The following CLASP2 variants were observed in gnomAD, a reference collection of about 807,000 sequenced individuals.
The protein encoded by CLASP2 is cytoplasmic linker associated protein 2.
Under a neutral mutation model 194.4 loss-of-function variants are expected in CLASP2, and 47 were observed. The ratio of observed to expected loss-of-function variants is 0.24; its 90% CI spans 0.19 to 0.31. CLASP2 has a LOEUF of 0.31. Ranked by LOEUF, CLASP2 falls within the 10% of genes least tolerant of loss-of-function variation. The pLI, the probability that CLASP2 is intolerant of heterozygous loss-of-function variation, is 1.00. For missense variants in CLASP2, 1,445 were observed against 1,823.6 expected (o/e 0.79, Z 3.78); for synonymous variants, 619 against 633.5 (o/e 0.98, Z 0.34).
chr3:33,707,617 C>A (rs922064660), intron 1 of CLASP2, among the ~76,000 whole-genome samples: 1 of 152,170 alleles, frequency 6.6e-6, no homozygotes, highest in Non-Finnish European at 1.5e-5. Context: ...CCTTCCATAT[C>A]TCATGTGTCT....
At chr3:33,538,140 C>CAA (rs56146913) in intron 33 of CLASP2, among the ~76,000 whole-genome samples, 215 of 143,008 alleles carry the variant, frequency 1.5e-3, no homozygotes, top group African/African-American at 3.0e-3. Flanking sequence ...GACTCCGTCT[C>CAA]AAAAAAAAAA....
chr3:33,535,316 T>G lies in CLASP2; in HGVS notation c.3704A>C (p.Asn1235Thr), dbSNP rs1256456184. ...SPRSRDYNPYNYSDSISPFNK... is the reference protein window; with the variant it reads ...SPRSRDYNPYTYSDSISPFNK... ...GAAGGGACTGATGCTATCTGAATAG[T>G]TATATGGATTATAGTCTCGAGAGCG... is the stretch of plus-strand genomic sequence containing the variant. Residue 1235 changes from asparagine to threonine, a missense_variant, in exon 34 of 39, where the codon AAC becomes ACC. Around this residue, in one of 4 missense-constraint regions of CLASP2, gnomAD observed 732 missense variants for 987.9 expected, o/e 0.74. Transcript: ENST00000682230. The G allele has an allele frequency of 6.2e-7, 1 of 1,613,912 alleles. No homozygotes were observed. The highest frequency in any genetic ancestry group is 1.1e-5 in the South Asian group (1 of 91,076).
chr3:33,541,370 G>A (rs1465664690), intron 32 of CLASP2, among the ~76,000 whole-genome samples: 2 of 152,126 alleles, frequency 1.3e-5, no homozygotes, highest in African/African-American at 4.8e-5. Context: ...AGGATGTGCA[G>A]ACTTGTTACA....
intron 1 of CLASP2, among the ~76,000 whole-genome samples, chr3:33,716,352 T>A (rs763710257): frequency 1.3e-5 from 2 of 152,178 alleles, no homozygotes; most frequent in Non-Finnish European, 2.9e-5. Flanking sequence ...GAAGTAGGGC[T>A]TAGAGGCATA....
At chr3:33,642,014 T>C (rs1436742149) in intron 8 of CLASP2, among the ~76,000 whole-genome samples, 1 of 151,986 alleles carries the variant, frequency 6.6e-6, no homozygotes, top group East Asian at 1.9e-4. Context: ...TAGAACAATC[T>C]TCAAGTATCT....
At chr3:33,629,880 TAAG>T (rs1009922620) in intron 9 of CLASP2, among the ~76,000 whole-genome samples, 1 of 150,946 alleles carries the variant, frequency 6.6e-6, no homozygotes, top group Non-Finnish European at 1.5e-5. Flanking sequence ...AAAGCTTAGA[TAAG>T]AAGGAAATCA....
chr3:33,676,157 G>A (rs1450545929), intron 6 of CLASP2, among the ~76,000 whole-genome samples: 2 of 152,112 alleles, frequency 1.3e-5, no homozygotes, highest in East Asian at 3.9e-4. Flanking sequence ...AAAGCTGGAG[G>A]CATCATGCTA....
intron 38 of CLASP2, among the ~76,000 whole-genome samples, chr3:33,500,442 G>A (rs2046579421): frequency 6.6e-6 from 1 of 152,108 alleles, no homozygotes; most frequent in Non-Finnish European, 1.5e-5. Flanking sequence ...AATTGTTTTG[G>A]AAGGTTTGCT....
intron 3 of CLASP2, among the ~76,000 whole-genome samples, chr3:33,688,865 T>C (rs1285524905): frequency 2.0e-5 from 3 of 152,128 alleles, no homozygotes; most frequent in African/African-American, 4.8e-5. Context: ...TTTGGGCAAT[T>C]CATTTTATAG....
At chr3:33,652,732 C>A (rs1403047321) in intron 7 of CLASP2, among the ~76,000 whole-genome samples, 4 of 152,154 alleles carry the variant, frequency 2.6e-5, no homozygotes, top group Non-Finnish European at 5.9e-5. Flanking sequence ...CTCCAAGCCA[C>A]TCTAATTTCA....
At chr3:33,605,451 C>T (rs997969439) in intron 16 of CLASP2, among the ~76,000 whole-genome samples, 3 of 152,086 alleles carry the variant, frequency 2.0e-5, no homozygotes, top group African/African-American at 7.2e-5. Flanking sequence ...ACTCTGAAAA[C>T]CTATAAGCAA....
At chr3:33,559,098 T>C (rs144129307) in intron 29 of CLASP2, 5 of 661,680 alleles carry the variant, frequency 7.6e-6, no homozygotes, top group Admixed American at 4.3e-5. Flanking sequence ...AAAGAAATAA[T>C]GCAGATGAAA....
intron 1 of CLASP2, among the ~76,000 whole-genome samples, chr3:33,697,979 T>A (rs2092077642): frequency 1.3e-5 from 2 of 152,150 alleles, no homozygotes; most frequent in Admixed American, 1.3e-4. Context: ...CAAGGAGAAC[T>A]CATACCTACT....
At position 33,632,388 on chromosome 3, in the gene CLASP2, A is replaced by T. The variant is rs1481908375; in HGVS notation, c.863-17T>A. 3 of 1,555,668 alleles carry T rather than the reference A, an allele frequency of 1.9e-6. No individual in the cohort carries two copies. The highest frequency in any genetic ancestry group is 1.4e-5 in the African/African-American group (1 of 72,898). ...TAGAAGCACCTGCTAATTAAAAGGA[A>T]ATTAATTTCCTAAGGTTCATTTTTA... On this transcript the variant is annotated splice_polypyrimidine_tract_variant and intron_variant, in intron 8 of 38. Transcript: ENST00000682230.
At chr3:33,708,498 A>G (rs1252892091) in intron 1 of CLASP2, among the ~76,000 whole-genome samples, 2 of 81,478 alleles carry the variant, frequency 2.5e-5, no homozygotes, top group African/African-American at 4.8e-5. Flanking sequence ...ATGTATATAT[A>G]TATATATGTA....
At chr3:33,534,329 A>C (rs1197709224) in intron 34 of CLASP2, among the ~76,000 whole-genome samples, 1 of 152,182 alleles carries the variant, frequency 6.6e-6, no homozygotes, top group Non-Finnish European at 1.5e-5. Context: ...TGAGAGGTTG[A>C]GGTGGGAGGA....
chr3:33,708,421 T>C lies in CLASP2; in HGVS notation c.195+9387A>G, dbSNP rs147509295. On this transcript the variant is annotated intron_variant, in intron 1 of 38. Coordinates refer to ENST00000682230, the MANE Select transcript of CLASP2 (RefSeq NM_001365631.1). ...ACAAATGGCAGGATTTCCTTCTTTT[T>C]TAAGGCTGAATAATATTCCTTTGTG... 4.4e-3 allele frequency among the ~76,000 whole-genome samples: 663 copies of C among 150,532 alleles called. 3 individuals are homozygous for C. The highest frequency in any genetic ancestry group is 7.1e-3 in the South Asian group (34 of 4,786).
chr3:33,672,429 C>T (rs1417662279), intron 6 of CLASP2, among the ~76,000 whole-genome samples: 1 of 152,058 alleles, frequency 6.6e-6, no homozygotes, highest in East Asian at 1.9e-4. Context: ...GACATCCACA[C>T]CAAAAACCCA....
chr3:33,532,059 G>T (rs1233548780), intron 34 of CLASP2, among the ~76,000 whole-genome samples: 1 of 152,138 alleles, frequency 6.6e-6, no homozygotes, highest in Non-Finnish European at 1.5e-5. Context: ...TATTGAAGAG[G>T]TATGTGCACA....
Sources: allele counts gnomAD v4.1 joint callset (sites outside exome capture counted in the v4.1 genomes callset), GRCh38; gene constraint gnomAD v4.1.1; regional missense constraint gnomAD v4.1.1; transcripts MANE v1.5; gene names NCBI Gene and HGNC (gene_info 2026-07-23, HGNC 2026-07-21).